Variants in LDLRAD3 observed in about 807,000 individuals in gnomAD.
LDLRAD3 encodes the protein low-density lipoprotein receptor class A domain-containing protein 3.
Under a neutral mutation model 29.4 loss-of-function variants are expected in LDLRAD3, and 20 were observed. The observed-to-expected ratio is 0.68, with a 90% CI of 0.48 to 0.99. The LOEUF (loss-of-function observed/expected upper bound fraction) is 0.99. Among genes scored for constraint, LDLRAD3 ranks in the 50% least tolerant of loss-of-function variants. The probability of loss-of-function intolerance (pLI) is 0.00; values close to 1 mark genes in which losing one functional copy is unlikely to be tolerated. For synonymous variants in LDLRAD3, 157 were observed against 192.7 expected (o/e 0.81, Z 1.53); for missense variants, 420 against 454.3 (o/e 0.92, Z 0.69).
At chr11:36,187,861 C>G (rs866615562) in intron 4 of LDLRAD3, among the ~76,000 whole-genome samples, 2 of 152,088 alleles carry the variant, frequency 1.3e-5, no homozygotes, top group Non-Finnish European at 2.9e-5. Flanking sequence ...GCCAAGATAA[C>G]GTTAGATTGA....
chr11:36,169,224 A>G (rs539913479), intron 4 of LDLRAD3, among the ~76,000 whole-genome samples: 1 of 152,320 alleles, frequency 6.6e-6, no homozygotes, highest in African/African-American at 2.4e-5. Flanking sequence ...AATGCATACA[A>G]TGCATAATGA....
At chr11:36,028,955 A>G (rs991964164) in intron 1 of LDLRAD3, among the ~76,000 whole-genome samples, 1 of 152,194 alleles carries the variant, frequency 6.6e-6, no homozygotes, top group Non-Finnish European at 1.5e-5. Context: ...AGTAAAAAGG[A>G]ACTGAAGGGC....
At chr11:35,952,942 T>A (rs1008270668) in intron 1 of LDLRAD3, among the ~76,000 whole-genome samples, 1 of 152,204 alleles carries the variant, frequency 6.6e-6, no homozygotes, top group African/African-American at 2.4e-5. Flanking sequence ...CTAGAAATAA[T>A]TGGCCCCATC....
chr11:35,973,171 GT>G lies in LDLRAD3; in HGVS notation c.46+29035del, dbSNP rs200993993. ...GTTTTGTTTTGTTTTGTTTTGTTTT[GT>G]TTTTTTTGATTATTGTTGTCGTTGT... On this transcript the variant is annotated intron_variant, in intron 1 of 5. Coordinates refer to ENST00000315571, the MANE Select transcript of LDLRAD3 (RefSeq NM_174902.4). Among the ~76,000 whole-genome samples, 4 of 128,546 alleles carry G rather than the reference GT, an allele frequency of 3.1e-5. No homozygotes were observed. The Admixed American group carries it at 3.1e-4, about 10-fold the overall frequency. The allele number at this position is 128,546 out of a possible 152,430, so 84.3% of individuals were successfully genotyped here.
At chr11:36,048,640 T>G (rs2133221334) in intron 2 of LDLRAD3, among the ~76,000 whole-genome samples, 1 of 152,338 alleles carries the variant, frequency 6.6e-6, no homozygotes, top group African/African-American at 2.4e-5. Context: ...TTTGTTTCAT[T>G]ATTTAGTTAA....
chr11:36,131,475 G>T (rs1853925002), intron 4 of LDLRAD3, among the ~76,000 whole-genome samples: 1 of 152,112 alleles, frequency 6.6e-6, no homozygotes, highest in Admixed American at 6.5e-5. Flanking sequence ...GTTGCTTTGG[G>T]GCTAGAATAC....
intron 4 of LDLRAD3, among the ~76,000 whole-genome samples, chr11:36,200,796 C>T (rs954327969): frequency 8.5e-5 from 13 of 152,170 alleles, no homozygotes; most frequent in South Asian, 4.1e-4. Flanking sequence ...ATCAATCAGC[C>T]AGTCAAGAAA....
chr11:36,002,390 G>T (rs960667245), intron 1 of LDLRAD3, among the ~76,000 whole-genome samples: 3 of 152,180 alleles, frequency 2.0e-5, no homozygotes, highest in African/African-American at 7.2e-5. Flanking sequence ...TTGTGCATGT[G>T]TTGTCACTCC....
rs552923470 is a variant in LDLRAD3 at position 36,199,961 on chromosome 11, G to A, written c.455-27124G>A. On this transcript the variant is annotated intron_variant, in intron 4 of 5. Coordinates refer to ENST00000315571, the MANE Select transcript of LDLRAD3 (RefSeq NM_174902.4). ...GTGGGCAGATCTCTTGAGGTCAGGAGTTCAAGAACAGGCCGGCCAACATGG... is the reference window on the plus strand; with the variant it reads ...GTGGGCAGATCTCTTGAGGTCAGGAATTCAAGAACAGGCCGGCCAACATGG... Among the ~76,000 whole-genome samples, 127 of 152,252 alleles carry A rather than the reference G, an allele frequency of 8.3e-4. 1 individual carries two copies. Among genetic ancestry groups the A allele is most frequent in the African/African-American group, 3.0e-3 (126 of 41,536 alleles).
chr11:36,089,514 G>A (rs148037388), intron 3 of LDLRAD3, among the ~76,000 whole-genome samples: 98 of 151,298 alleles, frequency 6.5e-4, no homozygotes, highest in African/African-American at 2.1e-3. Flanking sequence ...TGCAACCTCC[G>A]CCTCCCGGGT....
At chr11:36,064,983 T>C (rs1160008139) in intron 2 of LDLRAD3, among the ~76,000 whole-genome samples, 1 of 152,226 alleles carries the variant, frequency 6.6e-6, no homozygotes, top group Non-Finnish European at 1.5e-5. Flanking sequence ...TTGGGAAGAA[T>C]GTGTTCTGTG....
chr11:35,965,004 A>G (rs1590689478), intron 1 of LDLRAD3, among the ~76,000 whole-genome samples: 1 of 148,656 alleles, frequency 6.7e-6, no homozygotes, highest in African/African-American at 2.5e-5. Flanking sequence ...AAAAAAAAAT[A>G]GTGTTGAGAA....
chr11:36,130,390 G>A (rs1590292200), intron 4 of LDLRAD3, among the ~76,000 whole-genome samples: 1 of 152,290 alleles, frequency 6.6e-6, no homozygotes, highest in East Asian at 1.9e-4. Context: ...GGGGCTGGAA[G>A]GGGCTGGATT....
At chr11:36,048,099 G>T (rs1203211490) in intron 2 of LDLRAD3, among the ~76,000 whole-genome samples, 1 of 152,206 alleles carries the variant, frequency 6.6e-6, no homozygotes, top group Non-Finnish European at 1.5e-5. Context: ...AGCCTCCAGG[G>T]TTGGCGAGAG....
At chr11:36,116,393 A>G (rs1853674718) in intron 4 of LDLRAD3, among the ~76,000 whole-genome samples, 1 of 151,978 alleles carries the variant, frequency 6.6e-6, no homozygotes. Flanking sequence ...TGGAATGTTC[A>G]CATATAGCTG....
chr11:36,003,356 C>T (rs549739140), intron 1 of LDLRAD3, among the ~76,000 whole-genome samples: 1 of 152,198 alleles, frequency 6.6e-6, no homozygotes, highest in Non-Finnish European at 1.5e-5. Flanking sequence ...TGTTGCTTTT[C>T]TTCCATATTA....
intron 4 of LDLRAD3, chr11:36,196,548 A>T (rs2133370507): frequency 6.6e-6 from 1 of 152,366 alleles, no homozygotes; most frequent in African/African-American, 2.4e-5. Flanking sequence ...TTTGAAATGA[A>T]TGGAGCAGTC....
At position 36,213,732 on chromosome 11, in the gene LDLRAD3, G is replaced by C. The variant is rs1855314938; in HGVS notation, c.455-13353G>C. On this transcript the variant is annotated intron_variant, in intron 4 of 5. Coordinates refer to ENST00000315571, the MANE Select transcript of LDLRAD3 (RefSeq NM_174902.4). This position sits in a 1 kb window ranked among gnomAD's most constrained non-coding sequence, Gnocchi z 4.1. ...CCCAGCCAGGATCTGGGCTCTCCAA[G>C]TGGACGAATGAATTGTGGACCCAGC... Among the ~76,000 whole-genome samples the C allele has an allele frequency of 6.6e-6, 1 of 152,204 alleles. No individual in the cohort carries two copies. The highest frequency in any genetic ancestry group is 1.5e-5 in the Non-Finnish European group (1 of 68,034).
chr11:36,066,501 A>T (rs946416781), intron 2 of LDLRAD3, among the ~76,000 whole-genome samples: 2 of 152,116 alleles, frequency 1.3e-5, no homozygotes, highest in African/African-American at 4.8e-5. Context: ...ATTCTCTAGA[A>T]TTTTCATTCC....
Sources: gnomAD v4.1 joint callset for allele counts (sites outside exome capture counted in the v4.1 genomes callset) on GRCh38, gnomAD v4.1.1 for gene constraint, Gnocchi (gnomAD v3.1) non-coding constraint, MANE v1.5 for transcripts, NCBI Gene and HGNC (gene_info 2026-07-23, HGNC 2026-07-21) for gene names.